PHACTR3: variants seen among roughly 807,000 people sequenced by gnomAD.
The protein encoded by PHACTR3 is protein phosphatase 1, regulatory subunit 123.
In PHACTR3, 16 loss-of-function variants were observed where a neutral mutation model predicts 66.8. That is an observed-to-expected ratio of 0.24 (90% CI 0.16 to 0.36). PHACTR3 has a LOEUF of 0.36. Among genes scored for constraint, PHACTR3 ranks in the 10% least tolerant of loss-of-function variants. PHACTR3 has a pLI of 1.00. For synonymous variants in PHACTR3, 323 were observed against 292.1 expected, an observed-to-expected ratio of 1.11 and a Z score of -1.08; for missense variants, 647 against 719.9, an observed-to-expected ratio of 0.90 and a Z score of 1.16.
intron 1 of PHACTR3, among the ~76,000 whole-genome samples, chr20:59,698,239 C>A (rs776953551): frequency 1.1e-4 from 16 of 152,004 alleles, no homozygotes; most frequent in Non-Finnish European, 2.1e-4. Context: ...AACCTACCCA[C>A]CCCAACAAAA....
rs137941575 is a variant in PHACTR3 at position 59,580,908 on chromosome 20, C to T, written c.109+3291C>T. On this transcript the variant is annotated intron_variant, in intron 1 of 12. Coordinates refer to the PHACTR3 transcript ENST00000359926. ...CCATCTGTTAATTCAGGAAACTGGGCGTCTGTAGCTCCAGCTAGCCTCTCC... is the reference window on the plus strand; with the variant it reads ...CCATCTGTTAATTCAGGAAACTGGGTGTCTGTAGCTCCAGCTAGCCTCTCC... Among the ~76,000 whole-genome samples, 4 of 152,338 alleles carry T rather than the reference C, an allele frequency of 2.6e-5. No individual in the cohort carries two copies. In the East Asian group the frequency reaches 7.7e-4, roughly 29 times the overall value.
chr20:59,772,848 A>T (rs973102654), intron 5 of PHACTR3, among the ~76,000 whole-genome samples: 1 of 152,194 alleles, frequency 6.6e-6, no homozygotes, highest in Non-Finnish European at 1.5e-5. Flanking sequence ...TGCAAGCCCA[A>T]GGTGCTGGAA....
At chr20:59,599,685 GAAAAC>G (rs58143763), upstream of PHACTR3, among the ~76,000 whole-genome samples, 24 of 151,914 alleles carry the variant, frequency 1.6e-4, no homozygotes, top group Middle Eastern at 3.4e-3. Flanking sequence ...TAGTTAACTA[GAAAAC>G]AAAACAAAAC....
intron 1 of PHACTR3, among the ~76,000 whole-genome samples, chr20:59,588,713 C>T (rs1036368956): frequency 1.3e-5 from 2 of 152,152 alleles, no homozygotes; most frequent in African/African-American, 2.4e-5. Flanking sequence ...CCTACCACCT[C>T]CCACCCCCGC....
In PHACTR3 at chr20:59,640,360, A is replaced by G. The variant is rs941496632; in HGVS notation, c.118+35228A>G. 2.0e-5 allele frequency among the ~76,000 whole-genome samples: 3 copies of G among 152,334 alleles called. No homozygotes were observed. The South Asian group carries it at 6.2e-4, about 32-fold the overall frequency. The stretch of plus-strand genomic sequence containing the variant: ...GGTTGGAGGACAAGGTGTTGAAGAA[A>G]GATTTCTCCAAAGATCCTGGTTGGA... On this transcript the variant is annotated intron_variant, in intron 1 of 12. Transcript: ENST00000371015.
chr20:59,825,032 G>A (rs2042146363), intron 8 of PHACTR3, among the ~76,000 whole-genome samples: 1 of 152,216 alleles, frequency 6.6e-6, no homozygotes, highest in South Asian at 2.1e-4. Flanking sequence ...CTGCAGCGGG[G>A]CCCCTGTATT....
chr20:59,823,837 A>T lies in PHACTR3; in HGVS notation c.1329-12668A>T, dbSNP rs1200318693. On this transcript the variant is annotated intron_variant, in intron 8 of 12. Coordinates refer to ENST00000371015, the MANE Select transcript of PHACTR3 (RefSeq NM_080672.5). ...ATTTACATTTTCATTTTACACCCAT[A>T]TGAGATCATTTAATCAATGTGCATT... is the stretch of plus-strand genomic sequence containing the variant. 4.6e-5 allele frequency among the ~76,000 whole-genome samples: 7 copies of T among 152,246 alleles called. No homozygotes were observed. The East Asian group carries it at 1.3e-3, about 29-fold the overall frequency.
chr20:59,628,560 A>G, intron 1 of PHACTR3: 1 of 944,858 alleles, frequency 1.1e-6, no homozygotes, highest in South Asian at 4.9e-5. Context: ...GCTCCCAGGG[A>G]GAGAGGCGAG....
chr20:59,596,872 C>T (rs1175964705), intron 1 of PHACTR3, among the ~76,000 whole-genome samples: 2 of 152,214 alleles, frequency 1.3e-5, no homozygotes, highest in African/African-American at 2.4e-5. Context: ...CCTGGAGCTT[C>T]CCTGAGCTTC....
At chr20:59,650,740 C>CAAAAAA (rs34879994) in intron 1 of PHACTR3, among the ~76,000 whole-genome samples, 1 of 61,484 alleles carries the variant, frequency 1.6e-5, no homozygotes, top group Non-Finnish European at 3.1e-5. Flanking sequence ...GCGTTGATAG[C>CAAAAAA]AAAAAAAAAA....
intron 5 of PHACTR3, among the ~76,000 whole-genome samples, chr20:59,769,804 C>A (rs1041219471): frequency 6.6e-6 from 1 of 152,230 alleles, no homozygotes; most frequent in Non-Finnish European, 1.5e-5. Flanking sequence ...CTGCTTTCTG[C>A]ATCTTTCTAC....
intron 1 of PHACTR3, among the ~76,000 whole-genome samples, chr20:59,716,035 C>T (rs1197937494): frequency 6.6e-6 from 1 of 152,120 alleles, no homozygotes; most frequent in East Asian, 1.9e-4. Context: ...TGTGTCCATG[C>T]ACCTGGCTGT....
intron 5 of PHACTR3, among the ~76,000 whole-genome samples, chr20:59,770,069 T>C (rs1218815850): frequency 6.6e-6 from 1 of 152,186 alleles, no homozygotes; most frequent in Non-Finnish European, 1.5e-5. Flanking sequence ...TTCCTGCCTC[T>C]CCCAAGCTTG....
chr20:59,676,617 G>A, intron 1 of PHACTR3: 3 of 825,042 alleles, frequency 3.6e-6, no homozygotes, highest in Non-Finnish European at 4.4e-6. Flanking sequence ...GTCCCCAGGA[G>A]CAAGTGAGAG....
At chr20:59,819,270 G>A (rs762131035) in intron 8 of PHACTR3, among the ~76,000 whole-genome samples, 22 of 151,964 alleles carry the variant, frequency 1.4e-4, no homozygotes, top group Non-Finnish European at 2.8e-4. Flanking sequence ...AGGTGCCTGA[G>A]TCACCAACTG....
chr20:59,666,722 G>T (rs2036003985), intron 1 of PHACTR3, among the ~76,000 whole-genome samples: 1 of 152,132 alleles, frequency 6.6e-6, no homozygotes, highest in Non-Finnish European at 1.5e-5. Context: ...CAGAGAGAGG[G>T]AGAGAGACCT....
intron 1 of PHACTR3, among the ~76,000 whole-genome samples, chr20:59,588,423 C>A (rs955549692): frequency 6.6e-6 from 1 of 152,160 alleles, no homozygotes; most frequent in Non-Finnish European, 1.5e-5. Context: ...GTCCCTGGGG[C>A]CATCTCTGCT....
intron 8 of PHACTR3, among the ~76,000 whole-genome samples, chr20:59,828,575 G>C (rs912268694): frequency 3.3e-5 from 5 of 152,164 alleles, no homozygotes; most frequent in Non-Finnish European, 5.9e-5. Context: ...GTAATAATGG[G>C]GGTGTGTGGG....
intron 1 of PHACTR3, among the ~76,000 whole-genome samples, chr20:59,683,424 A>T (rs1420978089): frequency 6.6e-6 from 1 of 151,680 alleles, no homozygotes; most frequent in African/African-American, 2.4e-5. Context: ...TCTCTCCCTG[A>T]CTTAGTCATT....
Sources: gnomAD v4.1 joint callset for allele counts (sites outside exome capture counted in the v4.1 genomes callset) on GRCh38, gnomAD v4.1.1 for gene constraint, MANE v1.5 for transcripts, NCBI Gene and HGNC (gene_info 2026-07-23, HGNC 2026-07-21) for gene names.